TYR: variants seen among roughly 807,000 people sequenced by gnomAD.
TYR encodes tyrosinase, also known as LB24-AB.
TYR carries 58 observed loss-of-function variants against 51.5 expected under a neutral mutation model. The ratio of observed to expected loss-of-function variants is 1.13; its 90% CI spans 0.91 to 1.40. The LOEUF is 1.40. TYR is among the 40% of genes most tolerant of loss of function. The pLI, the probability that TYR is intolerant of heterozygous loss-of-function variation, is 0.00. For missense variants in TYR, 732 were observed against 647.4 expected, an observed-to-expected ratio of 1.13 and a Z score of -1.42; for synonymous variants, 263 against 235.2, an observed-to-expected ratio of 1.12 and a Z score of -1.08.
intron 2 of TYR, among the ~76,000 whole-genome samples, chr11:89,193,439 A>G (rs530540187): frequency 3.9e-5 from 6 of 152,264 alleles, no homozygotes; most frequent in African/African-American, 1.4e-4. Flanking sequence ...ATAATTTGCT[A>G]CTACAAATAA....
chr11:89,264,761 G>A (rs1274340660), intron 3 of TYR, among the ~76,000 whole-genome samples: 1 of 149,456 alleles, frequency 6.7e-6, no homozygotes, highest in South Asian at 2.1e-4. Context: ...ACAAACAAAC[G>A]AGATCATGTC....
At chr11:89,242,499 T>C (rs7934212) in intron 3 of TYR, among the ~76,000 whole-genome samples, 76,024 of 151,918 alleles carry the variant, frequency 0.5, 21,753 homozygotes, top group African/African-American at 0.8. Flanking sequence ...CATGAGCCAC[T>C]GTGCCCGGCC....
intron 3 of TYR, among the ~76,000 whole-genome samples, chr11:89,254,274 G>A (rs1944363009): frequency 1.3e-5 from 2 of 151,746 alleles, no homozygotes; most frequent in East Asian, 3.9e-4. Flanking sequence ...AGGGATATTG[G>A]TCTGTAGTTT....
intron 1 of TYR, among the ~76,000 whole-genome samples, chr11:89,183,236 C>A (rs1943325097): frequency 6.6e-6 from 1 of 151,942 alleles, no homozygotes; most frequent in Non-Finnish European, 1.5e-5. Flanking sequence ...TTTCTTCTAT[C>A]TCCCCTTTTT....
At chr11:89,186,139 A>C (rs1943369394) in intron 1 of TYR, among the ~76,000 whole-genome samples, 1 of 152,174 alleles carries the variant, frequency 6.6e-6, no homozygotes, top group Non-Finnish European at 1.5e-5. Context: ...CAGAGAAAGT[A>C]GGCCATCTGA....
In TYR at chr11:89,178,583, G is replaced by A. The variant is rs775799670; in HGVS notation, c.630G>A (p.Trp210Ter). ...FAHEAPAFLP[W>*]HRLFLLRWEQ... is the part of the protein sequence containing the mutation. ...ATGAAGCACCAGCTTTTCTGCCTTG[G>A]CATAGACTCTTCTTGTTGCGGTGGG... is the stretch of plus-strand genomic sequence containing the variant. The change falls in exon 1 of 5, where the codon TGG (tryptophan) becomes TGA (stop). Residue 210 changes from tryptophan to a stop codon, truncating the protein, a stop_gained. Coordinates refer to ENST00000263321, the MANE Select transcript of TYR (RefSeq NM_000372.5). LOFTEE classifies it high-confidence loss of function. 6.2e-7 allele frequency: 1 copy of A among 1,613,806 alleles called. No homozygotes were observed. Among genetic ancestry groups the A allele is most frequent in the Admixed American group, 1.7e-5 (1 of 59,956 alleles).
rs1207992589 is a variant in TYR at position 89,190,821 on chromosome 11, TA to T, written c.820-380del. ...AAAAAAAAATTTTATACTGTATTTT[TA>T]CTGTACCTTTTACATGTTTAGATAG... On this transcript the variant is annotated intron_variant, in intron 1 of 4. Transcript: ENST00000263321. Among the ~76,000 whole-genome samples, 16 of 152,266 alleles carry T rather than the reference TA, an allele frequency of 1.1e-4. 1 individual carries two copies. The East Asian group carries it at 2.5e-3, about 24-fold the overall frequency.
rs1456423291 is a variant in TYR, at chr11:89,191,188, G to A, written c.820-14G>A. Reference sequence around the variant, plus strand: ...GTGGTGACAATTTGTTTAACATGAGGGTGTTTTGTACAGATTGTCTGTAGC... The same window carrying A: ...GTGGTGACAATTTGTTTAACATGAGAGTGTTTTGTACAGATTGTCTGTAGC... On this transcript the variant is annotated splice_polypyrimidine_tract_variant and intron_variant, in intron 1 of 4. Coordinates refer to ENST00000263321, the MANE Select transcript of TYR (RefSeq NM_000372.5). 1.2e-6 allele frequency: 2 copies of A among 1,611,682 alleles called. No homozygotes were observed. Among genetic ancestry groups the A allele is most frequent in the Non-Finnish European group, 1.7e-6 (2 of 1,178,134 alleles).
At chr11:89,214,490 T>C (rs1943806432) in intron 2 of TYR, among the ~76,000 whole-genome samples, 1 of 152,180 alleles carries the variant, frequency 6.6e-6, no homozygotes, top group Non-Finnish European at 1.5e-5. Context: ...CTCAAGGATC[T>C]AGAACTAGAA....
chr11:89,283,398 A>G (rs1422365445), intron 3 of TYR, among the ~76,000 whole-genome samples: 1 of 151,832 alleles, frequency 6.6e-6, no homozygotes, highest in Admixed American at 6.6e-5. Context: ...AATTGTATTC[A>G]TTTTGTTTGA....
chr11:89,237,400 A>G lies in TYR; in HGVS notation c.1184+9430A>G, dbSNP rs565384017. On this transcript the variant is annotated intron_variant, in intron 3 of 4. Coordinates refer to ENST00000263321, the MANE Select transcript of TYR (RefSeq NM_000372.5). ...TATATATGGTGTGAGATAAGTGTCT[A>G]ATTTCATTATTCTGAATGTGACTAT... Among the ~76,000 whole-genome samples, 8 of 152,236 alleles carry G rather than the reference A, an allele frequency of 5.3e-5. No homozygotes were observed. The East Asian group carries it at 9.7e-4, about 18-fold the overall frequency.
At chr11:89,232,190 A>T (rs1048979684) in intron 3 of TYR, among the ~76,000 whole-genome samples, 3 of 143,150 alleles carry the variant, frequency 2.1e-5, no homozygotes, top group Admixed American at 2.1e-4. Context: ...ACAGGCACAC[A>T]TCAAAATACT....
At chr11:89,194,050 G>C (rs1943483867) in intron 2 of TYR, among the ~76,000 whole-genome samples, 1 of 152,042 alleles carries the variant, frequency 6.6e-6, no homozygotes, top group African/African-American at 2.4e-5. Flanking sequence ...CAAATCTACT[G>C]TATATCAGTT....
rs1445286011 is a variant in TYR, at chr11:89,295,198, C to G, written c.1422C>G (p.Ile474Met). Residue 474 changes from isoleucine (I) to methionine (M), a missense_variant, in exon 5 of 5, where the codon ATC (isoleucine) becomes ATG (methionine). Physicochemically the swap from Ile to Met is conservative, Grantham distance 10. Transcript: ENST00000263321. ...CCTATTTGGAACAAGCGAGTCGGAT[C>G]TGGTCATGGCTCCTTGGGGCGGCGA... ...IKSYLEQASR[I>M]WSWLLGAAMV... The G allele has an allele frequency of 2.2e-5, 36 of 1,613,872 alleles. No individual in the cohort carries two copies. The highest frequency in any genetic ancestry group is 3.0e-5 in the Non-Finnish European group (35 of 1,179,866).
intron 2 of TYR, among the ~76,000 whole-genome samples, chr11:89,210,111 G>T (rs1323941353): frequency 6.6e-6 from 1 of 152,186 alleles, no homozygotes. Flanking sequence ...ACTGGATGGA[G>T]AATGAGTTTG....
At chr11:89,181,081 C>A (rs918997447) in intron 1 of TYR, among the ~76,000 whole-genome samples, 3 of 152,116 alleles carry the variant, frequency 2.0e-5, no homozygotes, top group African/African-American at 7.2e-5. Context: ...GTGGTGCAAT[C>A]TCCATACGCT....
intron 4 of TYR, among the ~76,000 whole-genome samples, chr11:89,286,074 G>A (rs1041835721): frequency 2.6e-5 from 4 of 151,816 alleles, no homozygotes; most frequent in African/African-American, 7.2e-5. Flanking sequence ...ATTGTGCAAG[G>A]AAGTAAAAAA....
chr11:89,209,125 C>T (rs1464709396), intron 2 of TYR, among the ~76,000 whole-genome samples: 1 of 152,200 alleles, frequency 6.6e-6, no homozygotes, highest in Non-Finnish European at 1.5e-5. Flanking sequence ...TGAACCAAAG[C>T]AGGATGGGGG....
chr11:89,290,746 G>T (rs1398539968), intron 4 of TYR, among the ~76,000 whole-genome samples: 1 of 151,882 alleles, frequency 6.6e-6, no homozygotes, highest in African/African-American at 2.4e-5. Flanking sequence ...ATATATTTTT[G>T]CTCTAGACTT....
Sources: allele counts gnomAD v4.1 joint callset (sites outside exome capture counted in the v4.1 genomes callset), GRCh38; gene constraint gnomAD v4.1.1; transcripts MANE v1.5; gene names NCBI Gene and HGNC (gene_info 2026-07-23, HGNC 2026-07-21).